Variants in DLGAP2 observed in about 807,000 individuals in gnomAD.
DLGAP2 encodes the protein DLG associated protein 2, also known as disks large-associated protein 2.
In DLGAP2, 26 loss-of-function variants were observed where a neutral mutation model predicts 100.3. The ratio of observed to expected loss-of-function variants is 0.26; its 90% CI spans 0.19 to 0.36. The LOEUF is 0.36. Ranked by LOEUF, DLGAP2 falls within the 10% of genes least tolerant of loss-of-function variation. The pLI is 1.00. For synonymous variants in DLGAP2, 886 were observed against 630.1 expected (o/e 1.41, Z -6.08); for missense variants, 1,858 against 1,453.2 (o/e 1.28, Z -4.53).
At position 1,478,942 on chromosome 8, in the gene DLGAP2, G is replaced by A. The variant is rs1192458435; in HGVS notation, c.107-22424G>A. ...GGCGCATCCTGGAGACTGAAGGTCA[G>A]GCTGCAGCGTTAGCCACATGCAACT... On this transcript the variant is annotated intron_variant, in intron 3 of 14. Coordinates refer to ENST00000637795, the MANE Select transcript of DLGAP2 (RefSeq NM_001346810.2). 2.0e-5 allele frequency among the ~76,000 whole-genome samples: 3 copies of A among 152,268 alleles called. No homozygotes were observed. The East Asian group carries it at 5.8e-4, about 29-fold the overall frequency.
intron 2 of DLGAP2, among the ~76,000 whole-genome samples, chr8:1,169,355 G>C (rs983554445): frequency 6.6e-6 from 1 of 152,108 alleles, no homozygotes; most frequent in Non-Finnish European, 1.5e-5. Flanking sequence ...GGATTGACTT[G>C]GCGATGCGGG....
chr8:1,453,721 C>T (rs6996989), intron 3 of DLGAP2, among the ~76,000 whole-genome samples: 520 of 152,278 alleles, frequency 3.4e-3, no homozygotes, highest in African/African-American at 0.012. Flanking sequence ...ACTCTTCTCA[C>T]GAGAGTATGC....
chr8:1,033,555 C>T (rs899885069), intron 2 of DLGAP2, among the ~76,000 whole-genome samples: 2 of 152,162 alleles, frequency 1.3e-5, no homozygotes, highest in African/African-American at 2.4e-5. Flanking sequence ...GTAGTCCCAG[C>T]TACTAGGGGG....
At chr8:1,497,033 C>T (rs996657909) in intron 3 of DLGAP2, among the ~76,000 whole-genome samples, 4 of 152,294 alleles carry the variant, frequency 2.6e-5, no homozygotes, top group Admixed American at 1.3e-4. Flanking sequence ...GGAGCACTGC[C>T]TTCATCAAGC....
chr8:1,534,822 C>T (rs141217029), intron 4 of DLGAP2, among the ~76,000 whole-genome samples: 1,867 of 152,186 alleles, frequency 0.012, 27 homozygotes, highest in Middle Eastern at 0.11. Flanking sequence ...GATGTGTGTG[C>T]GTGTGCGCAC....
intron 2 of DLGAP2, chr8:926,999 ACC>A: frequency 1.0e-6 from 1 of 981,200 alleles, no homozygotes; most frequent in Non-Finnish European, 1.2e-6. Flanking sequence ...GGGCCAGAGG[ACC>A]CCCCGCCGAG....
At chr8:875,435 C>G (rs1797671911) in intron 1 of DLGAP2, among the ~76,000 whole-genome samples, 1 of 152,150 alleles carries the variant, frequency 6.6e-6, no homozygotes, top group Non-Finnish European at 1.5e-5. Context: ...CCATGCTATT[C>G]TCGTGATAGT....
chr8:789,588 A>G (rs1821970941), intron 1 of DLGAP2, among the ~76,000 whole-genome samples: 1 of 152,206 alleles, frequency 6.6e-6, no homozygotes, highest in African/African-American at 2.4e-5. Flanking sequence ...ATGGCTACTT[A>G]AATTTTCAGT....
intron 3 of DLGAP2, among the ~76,000 whole-genome samples, chr8:1,389,802 T>G (rs1796307179): frequency 6.6e-6 from 1 of 151,984 alleles, no homozygotes; most frequent in Non-Finnish European, 1.5e-5. Flanking sequence ...AGAGCGAGCC[T>G]TCCCTGCAAG....
At position 1,378,710 on chromosome 8, in the gene DLGAP2, C is replaced by T. The variant is rs376205755; in HGVS notation, c.106+119827C>T. ...TCTTCCTCTGTGCTTTCATCACCCT[C>T]ATTTTTGGAAAGTCACACGTTTTGC... On this transcript the variant is annotated intron_variant, in intron 3 of 14. Transcript: ENST00000637795. Among the ~76,000 whole-genome samples the T allele has an allele frequency of 1.5e-3, 230 of 152,382 alleles. 6 individuals carry two copies. In the South Asian group the frequency reaches 0.046, roughly 31 times the overall value.
chr8:1,200,417 G>T (rs1797845757), intron 2 of DLGAP2, among the ~76,000 whole-genome samples: 1 of 152,210 alleles, frequency 6.6e-6, no homozygotes, highest in Non-Finnish European at 1.5e-5. Flanking sequence ...ACTAGCAGTT[G>T]TTCTGAAATG....
chr8:802,632 T>C (rs1008376747), intron 1 of DLGAP2, among the ~76,000 whole-genome samples: 1 of 152,052 alleles, frequency 6.6e-6, no homozygotes, highest in Non-Finnish European at 1.5e-5. Flanking sequence ...CCCGAGAGGC[T>C]GCATCTCACC....
At chr8:1,681,631 A>G (rs1352917669) in intron 12 of DLGAP2, among the ~76,000 whole-genome samples, 1 of 152,142 alleles carries the variant, frequency 6.6e-6, no homozygotes, top group Non-Finnish European at 1.5e-5. Flanking sequence ...ACTGCAGAAC[A>G]AGACCCTGTC....
chr8:1,234,556 C>G (rs1474363036), intron 2 of DLGAP2, among the ~76,000 whole-genome samples: 1 of 152,202 alleles, frequency 6.6e-6, no homozygotes, highest in Non-Finnish European at 1.5e-5. Flanking sequence ...ACTAAGGTCA[C>G]ATTCTGAGGT....
chr8:1,502,966 G>T (rs1028318607), intron 4 of DLGAP2, among the ~76,000 whole-genome samples: 3 of 152,114 alleles, frequency 2.0e-5, no homozygotes, highest in Non-Finnish European at 2.9e-5. Context: ...ACTGAAACAA[G>T]AGTGCAGGAG....
chr8:1,416,973 G>A (rs1215839511), intron 3 of DLGAP2, among the ~76,000 whole-genome samples: 2 of 152,162 alleles, frequency 1.3e-5, no homozygotes, highest in Admixed American at 1.3e-4. Context: ...GTGCGGCTGT[G>A]GCATTGAGAC....
At chr8:1,218,650 G>C (rs1798258734) in intron 2 of DLGAP2, among the ~76,000 whole-genome samples, 1 of 151,960 alleles carries the variant, frequency 6.6e-6, no homozygotes, top group African/African-American at 2.4e-5. Flanking sequence ...TTTTAGAATA[G>C]TTCTAATTAT....
At chr8:1,483,744 G>A (rs1799169701) in intron 3 of DLGAP2, among the ~76,000 whole-genome samples, 1 of 151,572 alleles carries the variant, frequency 6.6e-6, no homozygotes, top group African/African-American at 2.4e-5. Flanking sequence ...GCAGAATGTG[G>A]GGACCAGGGA....
intron 2 of DLGAP2, among the ~76,000 whole-genome samples, chr8:1,085,416 C>T (rs757547700): frequency 5.9e-5 from 9 of 152,160 alleles, no homozygotes; most frequent in African/African-American, 4.8e-5. Flanking sequence ...GGAATTAAAT[C>T]AACCAGCATC....
Sources: gnomAD v4.1 joint callset for allele counts (sites outside exome capture counted in the v4.1 genomes callset) on GRCh38, gnomAD v4.1.1 for gene constraint, MANE v1.5 for transcripts, NCBI Gene and HGNC (gene_info 2026-07-23, HGNC 2026-07-21) for gene names.